Variants in ANK1 observed in about 807,000 individuals in gnomAD.
ANK1 encodes the protein ankyrin 1, also known as ankyrin-1.
ANK1 carries 51 observed loss-of-function variants against 210.4 expected under a neutral mutation model. That is an observed-to-expected ratio of 0.24 (90% confidence interval 0.19 to 0.31). ANK1 has a LOEUF of 0.31. ANK1 is among the 10% of genes least tolerant of loss of function. The pLI, the probability that ANK1 is intolerant of heterozygous loss-of-function variation, is 1.00. For synonymous variants in ANK1, 967 were observed against 1,025.9 expected (o/e 0.94, Z 1.10); for missense variants, 2,051 against 2,504.4 (o/e 0.82, Z 3.86).
intron 37 of ANK1, among the ~76,000 whole-genome samples, chr8:41,680,222 A>C (rs998609609): frequency 2.0e-5 from 3 of 152,104 alleles, no homozygotes; most frequent in Non-Finnish European, 4.4e-5. Flanking sequence ...TGAGTTTCCC[A>C]CCTTGAGACT....
At chr8:41,726,686 C>T (rs115099606) in intron 5 of ANK1, among the ~76,000 whole-genome samples, 424 of 152,328 alleles carry the variant, frequency 2.8e-3, no homozygotes, top group South Asian at 8.7e-3. Context: ...TGCGCTTGGC[C>T]ATGAGCTACT....
chr8:41,809,269 C>A (rs991275870), intron 1 of ANK1, among the ~76,000 whole-genome samples: 4 of 152,158 alleles, frequency 2.6e-5, no homozygotes, highest in Non-Finnish European at 5.9e-5. Context: ...CTTTGAGGAT[C>A]TGTAAAACAA....
intron 1 of ANK1, among the ~76,000 whole-genome samples, chr8:41,808,881 T>G (rs1851366271): frequency 6.6e-6 from 1 of 152,260 alleles, no homozygotes; most frequent in African/African-American, 2.4e-5. Flanking sequence ...TGAACATTTC[T>G]GAGGCCTTAT....
intron 17 of ANK1, among the ~76,000 whole-genome samples, chr8:41,707,464 C>G (rs548595373): frequency 9.9e-4 from 151 of 152,304 alleles, no homozygotes; most frequent in African/African-American, 3.6e-3. Context: ...CATGATGCCC[C>G]ACCACACACT....
At chr8:41,837,227 A>G (rs1807925634) in intron 1 of ANK1, among the ~76,000 whole-genome samples, 1 of 152,262 alleles carries the variant, frequency 6.6e-6, no homozygotes, top group South Asian at 2.1e-4. Context: ...TATAATCTCT[A>G]TAGTCACACC....
At chr8:41,751,967 C>T (rs1837812383) in intron 2 of ANK1, among the ~76,000 whole-genome samples, 1 of 152,160 alleles carries the variant, frequency 6.6e-6, no homozygotes, top group Admixed American at 6.5e-5. Flanking sequence ...CACTCAACTC[C>T]AGCCTCACTG....
intron 1 of ANK1, among the ~76,000 whole-genome samples, chr8:41,859,910 T>A (rs1812955619): frequency 6.6e-6 from 1 of 152,186 alleles, no homozygotes; most frequent in Non-Finnish European, 1.5e-5. Flanking sequence ...GTGTCTACAG[T>A]CCAGATTCTC....
At position 41,655,132 on chromosome 8, in the gene ANK1, GTGTGTGT is replaced by G; in HGVS notation, c.*651_*657del. ...TGTAGATTCAGTGGAGGCGAGTGGT[GTGTGTGT>G]GTGTGTGTGTGTGTCCTGAATGTCA... On this transcript the variant is annotated 3_prime_UTR_variant, in exon 43 of 43. Transcript: ENST00000289734. The G allele has an allele frequency of 2.2e-5, 1 of 44,786 alleles. No homozygotes were observed. The highest frequency in any genetic ancestry group is 5.5e-5 in the Non-Finnish European group (1 of 18,028). The allele number at this position is 44,786 out of a possible 1,614,324, so 2.8% of individuals were successfully genotyped here. A position where few individuals can be genotyped will look rare whatever the true frequency, so the allele number is the denominator to read the frequency against.
intron 37 of ANK1, among the ~76,000 whole-genome samples, chr8:41,674,709 T>C (rs1273519979): frequency 6.6e-6 from 1 of 152,194 alleles, no homozygotes; most frequent in Admixed American, 6.5e-5. Flanking sequence ...GGAAGTTTTC[T>C]TCCCTGCAAG....
chr8:41,709,113 T>A, intron 16 of ANK1, 138 bp from the exon 17 acceptor site: 1 of 810,762 alleles, frequency 1.2e-6, no homozygotes. Flanking sequence ...AGGAGCAATT[T>A]AGGTAAACAA....
intron 20 of ANK1, among the ~76,000 whole-genome samples, chr8:41,703,226 T>C (rs1447686248): frequency 1.3e-5 from 2 of 151,740 alleles, no homozygotes; most frequent in Non-Finnish European, 2.9e-5. Context: ...CGAACGATGA[T>C]TGCTGATGTC....
intron 1 of ANK1, among the ~76,000 whole-genome samples, chr8:41,852,913 C>G (rs1479926395): frequency 2.6e-5 from 4 of 152,288 alleles, no homozygotes; most frequent in African/African-American, 7.2e-5. Flanking sequence ...GAGGACATGT[C>G]CCCCAGAGTT....
At chr8:41,739,664 G>A (rs556502807) in intron 2 of ANK1, among the ~76,000 whole-genome samples, 9 of 152,042 alleles carry the variant, frequency 5.9e-5, no homozygotes, top group African/African-American at 2.2e-4. Flanking sequence ...TCAGCATGGA[G>A]GTGAGAAGGC....
At chr8:41,668,771 C>T (rs1234481072) in intron 38 of ANK1, among the ~76,000 whole-genome samples, 1 of 152,188 alleles carries the variant, frequency 6.6e-6, no homozygotes, top group Non-Finnish European at 1.5e-5. Context: ...GTACACGTGG[C>T]CCATCTAATG....
At chr8:41,662,273 G>A (rs552230610) in intron 40 of ANK1, among the ~76,000 whole-genome samples, 146 of 152,020 alleles carry the variant, frequency 9.6e-4, no homozygotes, top group African/African-American at 3.4e-3. Flanking sequence ...AAAAAGGCGG[G>A]GGGGCTGGTC....
intron 22 of ANK1, 45 bp from the exon 23 acceptor site, chr8:41,699,593 G>A (rs769199479): frequency 4.4e-6 from 7 of 1,573,302 alleles, no homozygotes; most frequent in Non-Finnish European, 5.2e-6. Flanking sequence ...AGAGGAAGAA[G>A]AGTCCCTCTT....
chr8:41,728,670 G>A (rs975704539), intron 3 of ANK1, among the ~76,000 whole-genome samples: 4 of 152,168 alleles, frequency 2.6e-5, no homozygotes, highest in Non-Finnish European at 4.4e-5. Flanking sequence ...GTGCGGCCAT[G>A]TCAAAGGAAC....
At chr8:41,719,579 C>T (rs1586426337) in intron 10 of ANK1, 82 bp downstream of exon 10, 1 of 1,588,764 alleles carries the variant, frequency 6.3e-7, no homozygotes, top group Non-Finnish European at 8.6e-7. Context: ...CCGCCCTTCC[C>T]ACAGGCCCAG....
intron 1 of ANK1, among the ~76,000 whole-genome samples, chr8:41,820,327 ATGTGTGTGTGTGTGTGTGTGTGTGTG>A (rs56359274): frequency 1.7e-4 from 24 of 142,946 alleles, no homozygotes; most frequent in Admixed American, 1.4e-3. Flanking sequence ...ACCAAGCTAA[ATGTGTGTGTGTGTGTGTGTGTGTGTG>A]TGTGTGTGTG....
Sources: allele counts gnomAD v4.1 joint callset (sites outside exome capture counted in the v4.1 genomes callset), GRCh38; gene constraint gnomAD v4.1.1; transcripts MANE v1.5; gene names NCBI Gene and HGNC (gene_info 2026-07-23, HGNC 2026-07-21).